ZNF644: variants seen among roughly 807,000 people sequenced by gnomAD.
ZNF644 encodes zinc finger motif enhancer binding protein 2.
ZNF644 carries 20 observed loss-of-function variants against 108.0 expected under a neutral mutation model. The observed-to-expected ratio is 0.19, with a 90% CI of 0.13 to 0.27. The LOEUF (loss-of-function observed/expected upper bound fraction) is 0.27, where lower values mean the gene tolerates loss of function less well. Ranked by LOEUF, ZNF644 falls within the 10% of genes least tolerant of loss-of-function variation. The pLI is 1.00. For missense variants in ZNF644, 1,338 were observed against 1,548.9 expected, an observed-to-expected ratio of 0.86 and a Z score of 2.29; for synonymous variants, 542 against 539.1, an observed-to-expected ratio of 1.01 and a Z score of -0.08.
Position 90,916,761 on chromosome 1 carries a change from T to C in ZNF644, c.*37A>G. 5.6e-6 allele frequency: 9 copies of C among 1,606,878 alleles called. No homozygotes were observed. Among genetic ancestry groups the C allele is most frequent in the Non-Finnish European group, 7.7e-6 (9 of 1,174,162 alleles). On this transcript the variant is annotated 3_prime_UTR_variant, in exon 6 of 6. Transcript: ENST00000337393. Reference sequence around the variant, plus strand: ...AAAAAAAAAGAATTTCAAATTTACATCCAATTCAAACTGGCTATTTAAAAG... The same window carrying C: ...AAAAAAAAAGAATTTCAAATTTACACCCAATTCAAACTGGCTATTTAAAAG...
At chr1:90,948,393 CT>C (rs2101023115) in intron 2 of ZNF644, among the ~76,000 whole-genome samples, 1 of 152,326 alleles carries the variant, frequency 6.6e-6, no homozygotes, top group South Asian at 2.1e-4. Context: ...AACATGGTGG[CT>C]TTAAAGGGAC....
intron 4 of ZNF644, among the ~76,000 whole-genome samples, chr1:90,921,795 A>T (rs1488644561): frequency 6.6e-6 from 1 of 152,142 alleles, no homozygotes; most frequent in Non-Finnish European, 1.5e-5. Flanking sequence ...GTCAAATACA[A>T]ATATGAAAGA....
intron 2 of ZNF644, among the ~76,000 whole-genome samples, chr1:90,964,064 A>G (rs1012332090): frequency 3.3e-5 from 5 of 152,192 alleles, no homozygotes; most frequent in Non-Finnish European, 5.9e-5. Context: ...CTGGAACAAA[A>G]TAACTTTCTT....
intron 2 of ZNF644, among the ~76,000 whole-genome samples, chr1:90,968,733 T>C (rs1655172991): frequency 6.6e-6 from 1 of 152,152 alleles, no homozygotes; most frequent in Non-Finnish European, 1.5e-5. Flanking sequence ...ATACTGTAAC[T>C]CCCTTTCAGA....
chr1:90,967,028 T>C (rs941049859), intron 2 of ZNF644, among the ~76,000 whole-genome samples: 1 of 152,176 alleles, frequency 6.6e-6, no homozygotes, highest in African/African-American at 2.4e-5. Flanking sequence ...TCTTTCCACT[T>C]CTCTGTAAAA....
chr1:90,977,215 A>T (rs1051985197), intron 2 of ZNF644, among the ~76,000 whole-genome samples: 1 of 152,288 alleles, frequency 6.6e-6, no homozygotes, highest in Non-Finnish European at 1.5e-5. Flanking sequence ...AGACTTAATG[A>T]ACCTAATATT....
chr1:90,920,332 A>AT (rs1447957802), intron 4 of ZNF644, among the ~76,000 whole-genome samples: 2 of 152,090 alleles, frequency 1.3e-5, no homozygotes, highest in East Asian at 3.8e-4. Context: ...AGAATACATT[A>AT]TAACAACCCT....
Position 90,918,174 on chromosome 1 carries a change from G to A in ZNF644, c.3689-20C>T. 6.3e-7 allele frequency: 1 copy of A among 1,584,132 alleles called. No homozygotes were observed. The highest frequency in any genetic ancestry group is 8.7e-7 in the Non-Finnish European group (1 of 1,152,956). On this transcript the variant is annotated intron_variant, in intron 4 of 5. Coordinates refer to ENST00000337393, the MANE Select transcript of ZNF644 (RefSeq NM_201269.3). ...CTAAGGCTAAAAAGGGGAAGAGAAAGACTTAACATTCCTTATATATTTCAA... is the reference window on the plus strand; with the variant it reads ...CTAAGGCTAAAAAGGGGAAGAGAAAAACTTAACATTCCTTATATATTTCAA...
intron 1 of ZNF644, among the ~76,000 whole-genome samples, chr1:91,001,568 C>A (rs1249758371): frequency 2.6e-5 from 4 of 152,186 alleles, no homozygotes; most frequent in East Asian, 1.9e-4. Flanking sequence ...GACAAACCCA[C>A]AGCCAATATC....
chr1:90,953,179 C>A (rs965271066), intron 2 of ZNF644, among the ~76,000 whole-genome samples: 4 of 152,134 alleles, frequency 2.6e-5, no homozygotes, highest in African/African-American at 7.2e-5. Flanking sequence ...CATCTCCCCC[C>A]CTCATTAAAA....
chr1:90,917,414 C>T (rs973874807), intron 5 of ZNF644, among the ~76,000 whole-genome samples: 1 of 152,084 alleles, frequency 6.6e-6, no homozygotes, highest in African/African-American at 2.4e-5. Context: ...AAATGTGTTC[C>T]CAATAAGCGA....
At chr1:90,982,189 A>G in intron 2 of ZNF644, 121 bp downstream of exon 2, 1 of 776,686 alleles carries the variant, frequency 1.3e-6, no homozygotes, top group Non-Finnish European at 2.1e-6. Context: ...AATTATTTGC[A>G]TTTCAAAATT....
chr1:90,983,481 C>CAAA lies in ZNF644; in HGVS notation c.-17-1114_-17-1112dup, dbSNP rs768476839. Among the ~76,000 whole-genome samples, 616 of 61,880 alleles carry CAAA rather than the reference C, an allele frequency of 1.0e-2. 1 individual carries two copies. Among genetic ancestry groups the CAAA allele is most frequent in the African/African-American group, 0.022 (398 of 18,336 alleles). 40.6% of individuals were successfully genotyped at this position (61,880 alleles called of 152,430 possible). A position where few individuals can be genotyped will look rare whatever the true frequency, so the allele number is the denominator to read the frequency against. ...AATCTGACAATGTTACCTCATATGG[C>CAAA]AAAAAAAAAAAAAAAAAAAAGAAGA... On this transcript the variant is annotated intron_variant, in intron 1 of 5. Transcript: ENST00000337393.
chr1:90,939,004 T>G lies in ZNF644; in HGVS notation c.2350A>C (p.Asn784His), dbSNP rs1295096677. Residue 784 changes from asparagine to histidine, a missense_variant, in exon 3 of 6, where the codon AAT becomes CAT. Asn to His is a moderately conservative substitution (Grantham distance 68, BLOSUM62 1). This residue lies in a region of ZNF644 where 462 missense variants were observed against 472.6 expected (regional missense o/e 0.98). Coordinates refer to ENST00000337393, the MANE Select transcript of ZNF644 (RefSeq NM_201269.3). Reference sequence around the variant, plus strand: ...GGCTTATGAGGGTCTGAAATAAAATTGTTGTGAGAATTACTTGATGATGAA... The same window carrying G: ...GGCTTATGAGGGTCTGAAATAAAATGGTTGTGAGAATTACTTGATGATGAA... ...LFSSSSNSHNNFISDPHKPDA... is the reference protein window; with the variant it reads ...LFSSSSNSHNHFISDPHKPDA... The G allele has an allele frequency of 6.2e-7, 1 of 1,614,046 alleles. No homozygotes were observed. Among genetic ancestry groups the G allele is most frequent in the Non-Finnish European group, 8.5e-7 (1 of 1,179,940 alleles).
intron 4 of ZNF644, among the ~76,000 whole-genome samples, chr1:90,929,669 A>T (rs946779865): frequency 6.6e-6 from 1 of 152,220 alleles, no homozygotes; most frequent in African/African-American, 2.4e-5. Flanking sequence ...GTGCTCCCAT[A>T]GCACTTTCCA....
At chr1:90,950,141 G>C (rs1652938765) in intron 2 of ZNF644, among the ~76,000 whole-genome samples, 1 of 150,408 alleles carries the variant, frequency 6.6e-6, no homozygotes, top group Non-Finnish European at 1.5e-5. Context: ...CGCAGGGTGT[G>C]GTGCCATGCA....
rs142125001 is a variant in ZNF644 at position 91,004,676 on chromosome 1, T to C, written c.-18+17314A>G. Among the ~76,000 whole-genome samples, 1,093 of 152,280 alleles carry C rather than the reference T, an allele frequency of 7.2e-3. 16 individuals are homozygous for C. Among genetic ancestry groups the C allele is most frequent in the African/African-American group, 0.024 (993 of 41,570 alleles). ...GATTTAAAAGGTATAAAAGGATGTA[T>C]GTATGGCAATAACAGCACGAAGGAA... On this transcript the variant is annotated intron_variant, in intron 1 of 5. Transcript: ENST00000337393.
chr1:91,000,165 A>C (rs1658617359), intron 1 of ZNF644, among the ~76,000 whole-genome samples: 1 of 152,158 alleles, frequency 6.6e-6, no homozygotes, highest in Admixed American at 6.5e-5. Context: ...CAGGAATTGA[A>C]CTCAGCTCTG....
At chr1:90,986,407 T>C (rs1226396974) in intron 1 of ZNF644, among the ~76,000 whole-genome samples, 1 of 151,618 alleles carries the variant, frequency 6.6e-6, no homozygotes, top group Non-Finnish European at 1.5e-5. Flanking sequence ...ATGTAATATA[T>C]CTTGGAACAC....
Sources: gnomAD v4.1 joint callset for allele counts (sites outside exome capture counted in the v4.1 genomes callset) on GRCh38, gnomAD v4.1.1 for gene constraint, gnomAD v4.1.1 regional missense constraint, MANE v1.5 for transcripts, NCBI Gene and HGNC (gene_info 2026-07-23, HGNC 2026-07-21) for gene names.